Variants in NAALADL2 observed in about 807,000 individuals in gnomAD.
NAALADL2 encodes N-acetylated alpha-linked acidic dipeptidase like 2, also known as inactive N-acetylated-alpha-linked acidic dipeptidase-like protein 2.
NAALADL2 carries 76 observed loss-of-function variants against 87.2 expected under a neutral mutation model. The observed-to-expected ratio is 0.87, with a 90% CI of 0.72 to 1.05. The LOEUF (loss-of-function observed/expected upper bound fraction) is 1.05, where lower values mean the gene tolerates loss of function less well. Ranked by LOEUF, NAALADL2 falls within the 50% of genes least tolerant of loss-of-function variation. NAALADL2 has a pLI of 0.00. For missense variants in NAALADL2, 1,089 were observed against 945.8 expected (o/e 1.15, Z -1.99); for synonymous variants, 354 against 331.0 (o/e 1.07, Z -0.75).
chr3:175,733,427 A>T (rs1286908136), intron 11 of NAALADL2, among the ~76,000 whole-genome samples: 2 of 152,162 alleles, frequency 1.3e-5, no homozygotes, highest in African/African-American at 2.4e-5. Context: ...AGACCCATTC[A>T]CTATCACAAG....
At chr3:175,357,022 C>T (rs1189844067) in intron 5 of NAALADL2, among the ~76,000 whole-genome samples, 2 of 152,162 alleles carry the variant, frequency 1.3e-5, no homozygotes, top group Middle Eastern at 3.4e-3. Flanking sequence ...ATTTTCAAAC[C>T]GAGCTGTTTT....
At chr3:174,460,206 T>C (rs1716123534) in intron 1 of NAALADL2, among the ~76,000 whole-genome samples, 1 of 152,066 alleles carries the variant, frequency 6.6e-6, no homozygotes, top group African/African-American at 2.4e-5. Flanking sequence ...ACCCTAAATG[T>C]GTTTTGTTCT....
At chr3:174,574,680 G>A (rs181435336) in intron 2 of NAALADL2, among the ~76,000 whole-genome samples, 28 of 152,096 alleles carry the variant, frequency 1.8e-4, no homozygotes, top group Non-Finnish European at 2.9e-4. Context: ...ACTTCATTAA[G>A]TTTTCTTGTT....
intron 1 of NAALADL2, among the ~76,000 whole-genome samples, chr3:174,883,219 C>T (rs1729650912): frequency 6.6e-6 from 1 of 152,026 alleles, no homozygotes. Flanking sequence ...AGCCTACTGA[C>T]TCAAATGTTA....
At chr3:175,735,779 G>A (rs962526258) in intron 11 of NAALADL2, among the ~76,000 whole-genome samples, 1 of 152,122 alleles carries the variant, frequency 6.6e-6, no homozygotes, top group Non-Finnish European at 1.5e-5. Flanking sequence ...TGAAATTTGG[G>A]TGGGGACACA....
chr3:175,215,394 C>A (rs1457950483), intron 2 of NAALADL2, among the ~76,000 whole-genome samples: 1 of 152,118 alleles, frequency 6.6e-6, no homozygotes, highest in Non-Finnish European at 1.5e-5. Flanking sequence ...TTTTTCCATA[C>A]ATGTCTTGCT....
intron 10 of NAALADL2, among the ~76,000 whole-genome samples, chr3:175,625,705 G>A (rs886607615): frequency 6.6e-6 from 1 of 151,938 alleles, no homozygotes; most frequent in African/African-American, 2.4e-5. Flanking sequence ...ATAAACCTGG[G>A]TTTGAACCCG....
At chr3:174,860,902 C>T (rs527882958) in intron 1 of NAALADL2, among the ~76,000 whole-genome samples, 1 of 152,096 alleles carries the variant, frequency 6.6e-6, no homozygotes, top group Non-Finnish European at 1.5e-5. Context: ...ATAGCCTTCC[C>T]TTTCCCCTAT....
At chr3:175,500,210 G>GA (rs1032235764) in intron 9 of NAALADL2, among the ~76,000 whole-genome samples, 75 of 152,098 alleles carry the variant, frequency 4.9e-4, no homozygotes, top group African/African-American at 1.7e-3. Context: ...GCAAGGCAGG[G>GA]AAAAAATCGC....
At chr3:175,555,056 G>C (rs562292909) in intron 9 of NAALADL2, among the ~76,000 whole-genome samples, 1 of 152,272 alleles carries the variant, frequency 6.6e-6, no homozygotes, top group African/African-American at 2.4e-5. Flanking sequence ...ATAGAAGATT[G>C]CAAGTACTTT....
intron 5 of NAALADL2, among the ~76,000 whole-genome samples, chr3:175,367,094 C>A (rs1765696642): frequency 6.6e-6 from 1 of 151,110 alleles, no homozygotes; most frequent in Non-Finnish European, 1.5e-5. Context: ...CCAGTTTTCC[C>A]AGCACCATTT....
chr3:174,446,796 A>T (rs1210761563), intron 1 of NAALADL2, among the ~76,000 whole-genome samples: 1 of 152,142 alleles, frequency 6.6e-6, no homozygotes, highest in Non-Finnish European at 1.5e-5. Context: ...CTGGGGCAGT[A>T]TAACACTTTT....
At chr3:174,708,396 A>G (rs1284630507) in intron 2 of NAALADL2, among the ~76,000 whole-genome samples, 1 of 152,192 alleles carries the variant, frequency 6.6e-6, no homozygotes, top group Non-Finnish European at 1.5e-5. Context: ...TGCTTGATCC[A>G]TTTGAGAACT....
chr3:174,886,531 G>A (rs1730172749), intron 1 of NAALADL2, among the ~76,000 whole-genome samples: 1 of 151,996 alleles, frequency 6.6e-6, no homozygotes, highest in Admixed American at 6.6e-5. Context: ...CTTGCCATGA[G>A]GTGTCCTTAT....
intron 2 of NAALADL2, among the ~76,000 whole-genome samples, chr3:174,592,733 C>G (rs1717504299): frequency 6.6e-6 from 1 of 152,078 alleles, no homozygotes. Flanking sequence ...CATTATTAAT[C>G]TGTGTAACAA....
intron 1 of NAALADL2, among the ~76,000 whole-genome samples, chr3:175,079,971 T>A (rs1213534549): frequency 7.8e-6 from 1 of 127,852 alleles, no homozygotes; most frequent in Non-Finnish European, 1.6e-5. Context: ...AAATATAGAC[T>A]TTTTTTTTTT....
chr3:175,279,675 G>A (rs1390788227), intron 4 of NAALADL2, among the ~76,000 whole-genome samples: 3 of 151,702 alleles, frequency 2.0e-5, no homozygotes. Flanking sequence ...CCTGAAATTT[G>A]AAGCAGGAAG....
chr3:175,551,317 T>C (rs768563144), intron 9 of NAALADL2, among the ~76,000 whole-genome samples: 17 of 152,008 alleles, frequency 1.1e-4, no homozygotes, highest in Non-Finnish European at 7.4e-5. Flanking sequence ...GTGTCGGTGT[T>C]GTAGGGAGGG....
chr3:174,442,871 T>C (rs1298034456), intron 1 of NAALADL2, among the ~76,000 whole-genome samples: 1 of 152,298 alleles, frequency 6.6e-6, no homozygotes, highest in African/African-American at 2.4e-5. Context: ...TTCAGTAGAC[T>C]TGAAGCAGTT....
Sources: gnomAD v4.1 joint callset for allele counts (sites outside exome capture counted in the v4.1 genomes callset) on GRCh38, gnomAD v4.1.1 for gene constraint, MANE v1.5 for transcripts, NCBI Gene and HGNC (gene_info 2026-07-23, HGNC 2026-07-21) for gene names.